Variants in CELF2 observed in about 807,000 individuals in gnomAD.
The protein encoded by CELF2 is CUG triplet repeat RNA-binding protein 2.
In CELF2, 8 loss-of-function variants were observed where a neutral mutation model predicts 62.6. The observed-to-expected ratio is 0.13, with a 90% CI of 0.07 to 0.23. CELF2 has a LOEUF of 0.23. CELF2 is among the 10% of genes least tolerant of loss of function. The pLI is 1.00. For missense variants in CELF2, 333 were observed against 671.0 expected (o/e 0.50, Z 5.56); for synonymous variants, 258 against 250.0 (o/e 1.03, Z -0.30).
chr10:10,826,342 C>T lies in CELF2; in HGVS notation c.53+27525C>T, dbSNP rs186555274. Among the ~76,000 whole-genome samples the T allele has an allele frequency of 2.4e-3, 363 of 152,254 alleles. 1 individual carries two copies. The highest frequency in any genetic ancestry group is 8.2e-3 in the African/African-American group (342 of 41,532). On this transcript the variant is annotated intron_variant, in intron 1 of 13. Coordinates refer to the CELF2 transcript ENST00000636488. Reference sequence around the variant, plus strand: ...AAGATGGACTTCAAATTCACGTATACCACTGTCCATGACTCATGGTCTCAG... The same window carrying T: ...AAGATGGACTTCAAATTCACGTATATCACTGTCCATGACTCATGGTCTCAG...
At chr10:10,905,899 AAAAAG>A (rs1486336528) in intron 1 of CELF2, among the ~76,000 whole-genome samples, 1 of 150,646 alleles carries the variant, frequency 6.6e-6, no homozygotes, top group Non-Finnish European at 1.5e-5. Context: ...AAAAAAAAAG[AAAAAG>A]AAAAAAGAAA....
chr10:11,283,801 A>G (rs2089894438), intron 8 of CELF2, among the ~76,000 whole-genome samples: 1 of 142,560 alleles, frequency 7.0e-6, no homozygotes, highest in Non-Finnish European at 1.5e-5. Flanking sequence ...GGGGTAGATG[A>G]TGAGTGGATG....
intron 1 of CELF2, among the ~76,000 whole-genome samples, chr10:10,893,367 A>G (rs2062291505): frequency 6.6e-6 from 1 of 152,172 alleles, no homozygotes; most frequent in Non-Finnish European, 1.5e-5. Context: ...TTTGCCATCC[A>G]AGTGGTTTCC....
chr10:10,932,339 A>G (rs2066162248), intron 2 of CELF2, among the ~76,000 whole-genome samples: 1 of 152,188 alleles, frequency 6.6e-6, no homozygotes, highest in East Asian at 1.9e-4. Context: ...TCTATTGTAC[A>G]GCATAGTGAC....
intron 2 of CELF2, among the ~76,000 whole-genome samples, chr10:10,953,813 C>G (rs1188152345): frequency 1.7e-5 from 2 of 116,228 alleles, no homozygotes; most frequent in Admixed American, 1.8e-4. Flanking sequence ...ACATCACAAG[C>G]AAAGTAAAAA....
At chr10:10,470,571 T>C in the CELF2 span, among the ~76,000 whole-genome samples, 1 of 151,806 alleles carries the variant, frequency 6.6e-6, no homozygotes, top group Non-Finnish European at 1.5e-5. Flanking sequence ...ACCTGTAGAC[T>C]TCCTCCTCAA....
At chr10:11,232,180 C>T (rs1225449324) in intron 3 of CELF2, among the ~76,000 whole-genome samples, 2 of 151,612 alleles carry the variant, frequency 1.3e-5, no homozygotes, top group East Asian at 3.9e-4. Flanking sequence ...GTGTGATGTT[C>T]CCCTTCCTGT....
chr10:10,808,785 A>C (rs2131666499), intron 1 of CELF2, among the ~76,000 whole-genome samples: 1 of 152,300 alleles, frequency 6.6e-6, no homozygotes, highest in Non-Finnish European at 1.5e-5. Flanking sequence ...TCTCCTAGGA[A>C]GATTACTAAA....
chr10:10,799,755 A>C lies in CELF2; in HGVS notation c.53+938A>C, dbSNP rs907261377. 2.6e-5 allele frequency among the ~76,000 whole-genome samples: 4 copies of C among 152,218 alleles called. No homozygotes were observed. In the East Asian group the frequency reaches 7.7e-4, roughly 29 times the overall value. On this transcript the variant is annotated intron_variant, in intron 1 of 13. Coordinates refer to the CELF2 transcript ENST00000636488. ...GAACACAAGGAGCTAGAAAGGGCAGAGTTCATGCATCCTGTCTAAGCTGAC... is the reference window on the plus strand; with the variant it reads ...GAACACAAGGAGCTAGAAAGGGCAGCGTTCATGCATCCTGTCTAAGCTGAC...
the CELF2 span, among the ~76,000 whole-genome samples, chr10:10,481,573 G>A: frequency 3.3e-4 from 50 of 152,268 alleles, no homozygotes; most frequent in African/African-American, 1.2e-3. Context: ...TTTGAAGATG[G>A]CATCTCACTC....
rs540868344 is a variant in CELF2, at chr10:11,245,676, G to A, written c.355-3477G>A. Among the ~76,000 whole-genome samples, 424 of 152,308 alleles carry A rather than the reference G, an allele frequency of 2.8e-3. 13 individuals carry two copies. The highest frequency in any genetic ancestry group is 5.0e-3 in the South Asian group (24 of 4,820). On this transcript the variant is annotated intron_variant, in intron 3 of 12. Transcript: ENST00000633077. ...AAGCCAATTCTCTGAGCAGCTGCAC[G>A]AATGCTAAGGGTGCAGTCTTGGTGT...
Position 11,336,454 on chromosome 10 carries a change from G to A in CELF2, c.*7401G>A, listed in dbSNP as rs1265120430. The A allele has an allele frequency of 6.6e-6, 1 of 152,560 alleles. No individual in the cohort carries two copies. Among genetic ancestry groups the A allele is most frequent in the Non-Finnish European group, 1.5e-5 (1 of 68,016 alleles). 9.5% of individuals were successfully genotyped at this position (152,560 alleles called of 1,614,324 possible). On this transcript the variant is annotated 3_prime_UTR_variant, in exon 13 of 13. Coordinates refer to ENST00000633077, the MANE Select transcript of CELF2 (RefSeq NM_001326342.2). The surrounding 1 kb of genome is among the most constrained non-coding windows in gnomAD (Gnocchi z 5.4). The stretch of plus-strand genomic sequence containing the variant: ...ACTTGCTATCAGGAACACAATACTG[G>A]ATGTGTCTTATATATATTGAACTAT...
chr10:11,091,308 G>A (rs1292433979), intron 1 of CELF2, among the ~76,000 whole-genome samples: 1 of 152,162 alleles, frequency 6.6e-6, no homozygotes, highest in Non-Finnish European at 1.5e-5. Context: ...GGACAGGGGA[G>A]GTAAGGCTGT....
chr10:10,751,574 G>A, the CELF2 span, among the ~76,000 whole-genome samples: 2 of 152,040 alleles, frequency 1.3e-5, no homozygotes, highest in African/African-American at 4.8e-5. Context: ...AGAACTTCAT[G>A]CTGATGAGGC....
At chr10:10,616,160 T>C in the CELF2 span, among the ~76,000 whole-genome samples, 1 of 152,156 alleles carries the variant, frequency 6.6e-6, no homozygotes, top group African/African-American at 2.4e-5. Context: ...CCTGTATTTC[T>C]CCTAGGAGCA....
intron 7 of CELF2, among the ~76,000 whole-genome samples, chr10:11,273,571 T>C (rs2084709241): frequency 6.6e-6 from 1 of 152,214 alleles, no homozygotes; most frequent in African/African-American, 2.4e-5. Flanking sequence ...CCACACTGCT[T>C]GGCGCTGTTA....
chr10:10,634,980 C>T, the CELF2 span, among the ~76,000 whole-genome samples: 2 of 152,140 alleles, frequency 1.3e-5, no homozygotes, highest in Admixed American at 6.6e-5. Context: ...GGTTACATGA[C>T]CCATATAGCA....
At chr10:11,115,500 C>T (rs2056356657) in intron 1 of CELF2, among the ~76,000 whole-genome samples, 1 of 152,188 alleles carries the variant, frequency 6.6e-6, no homozygotes, top group Non-Finnish European at 1.5e-5. Context: ...TCCATATCTG[C>T]TGAAGGGCTG....
chr10:10,780,627 C>A, the CELF2 span, among the ~76,000 whole-genome samples: 2 of 152,024 alleles, frequency 1.3e-5, no homozygotes, highest in Admixed American at 6.6e-5. Flanking sequence ...ATTACAGGCG[C>A]CTGCTACCGT....
Sources: gnomAD v4.1 joint callset for allele counts (sites outside exome capture counted in the v4.1 genomes callset) on GRCh38, gnomAD v4.1.1 for gene constraint, Gnocchi (gnomAD v3.1) non-coding constraint, MANE v1.5 for transcripts, NCBI Gene and HGNC (gene_info 2026-07-23, HGNC 2026-07-21) for gene names.